TRIM37: variants seen among roughly 807,000 people sequenced by gnomAD.
TRIM37 encodes the protein E3 ubiquitin-protein ligase TRIM37.
In TRIM37, 80 loss-of-function variants were observed where a neutral mutation model predicts 129.8. The ratio of observed to expected loss-of-function variants is 0.62; its 90% CI spans 0.51 to 0.74. TRIM37 has a LOEUF of 0.74. TRIM37 is among the 30% of genes least tolerant of loss of function. The pLI is 0.00. For synonymous variants in TRIM37, 389 were observed against 387.1 expected (o/e 1.00, Z -0.06); for missense variants, 1,054 against 1,176.5 (o/e 0.90, Z 1.52).
chr17:59,101,715 C>T (rs896712099), intron 2 of TRIM37, among the ~76,000 whole-genome samples: 1 of 139,386 alleles, frequency 7.2e-6, no homozygotes, highest in Non-Finnish European at 1.5e-5. Flanking sequence ...CACACACACA[C>T]ACACACATAT....
At chr17:59,090,087 GA>G (rs1256991505) in intron 3 of TRIM37, 1 of 152,040 alleles carries the variant, frequency 6.6e-6, no homozygotes, top group Non-Finnish European at 1.5e-5. Context: ...ACGACAGAGC[GA>G]GACTCTGTCT....
chr17:59,041,132 A>C (rs1251758466), intron 17 of TRIM37, among the ~76,000 whole-genome samples: 1 of 152,248 alleles, frequency 6.6e-6, no homozygotes. Flanking sequence ...CTAACTTTTA[A>C]TTACTCTAAC....
intron 22 of TRIM37, among the ~76,000 whole-genome samples, chr17:59,004,936 A>T (rs73993836): frequency 0.055 from 8,396 of 152,282 alleles, 751 homozygotes; most frequent in African/African-American, 0.19. Context: ...AAAAACAAAA[A>T]AACAAACTTT....
At chr17:58,989,731 T>C (rs556614498) in intron 24 of TRIM37, among the ~76,000 whole-genome samples, 1 of 152,056 alleles carries the variant, frequency 6.6e-6, no homozygotes, top group African/African-American at 2.4e-5. Flanking sequence ...GAACGTAATA[T>C]ACAAAAGCTG....
downstream of TRIM37, chr17:58,981,174 G>A (rs1430239389): frequency 3.1e-6 from 2 of 642,484 alleles, no homozygotes; most frequent in African/African-American, 3.7e-5. Context: ...TAGATCTCTA[G>A]GAAACTCAAA....
intron 15 of TRIM37, 93 bp downstream of exon 15, chr17:59,049,085 G>T: frequency 1.0e-6 from 1 of 973,962 alleles, no homozygotes; most frequent in Non-Finnish European, 1.6e-6. Flanking sequence ...AATATTTTTA[G>T]CCTACTGTTT....
At chr17:59,075,285 C>T (rs1004411459) in intron 8 of TRIM37, among the ~76,000 whole-genome samples, 1 of 151,958 alleles carries the variant, frequency 6.6e-6, no homozygotes, top group African/African-American at 2.4e-5. Flanking sequence ...CAGAGAAGGC[C>T]GGGCACGGTG....
At chr17:59,080,834 C>CA (rs1361910132) in intron 6 of TRIM37, among the ~76,000 whole-genome samples, 3 of 152,086 alleles carry the variant, frequency 2.0e-5, no homozygotes, top group South Asian at 2.1e-4. Flanking sequence ...CTGTAACAAA[C>CA]AGACTTTTTA....
At chr17:59,087,165 G>A (rs999671471) in intron 4 of TRIM37, among the ~76,000 whole-genome samples, 16 of 152,140 alleles carry the variant, frequency 1.1e-4, no homozygotes, top group Middle Eastern at 3.4e-3. Context: ...GCACGATCTC[G>A]GCTCACTGCA....
At chr17:59,027,861 T>A (rs925696036) in intron 19 of TRIM37, among the ~76,000 whole-genome samples, 1 of 152,156 alleles carries the variant, frequency 6.6e-6, no homozygotes, top group South Asian at 2.1e-4. Context: ...GCCATACTGG[T>A]CTTCCTTCAA....
rs535011274 is a variant in TRIM37, at chr17:58,992,176, G to T, written c.2891+7205C>A. Among the ~76,000 whole-genome samples the T allele has an allele frequency of 6.6e-5, 10 of 150,456 alleles. No homozygotes were observed. In the East Asian group the frequency reaches 1.7e-3, roughly 26 times the overall value. Reference sequence around the variant, plus strand: ...GCCAGCTAAAGGGAGAGATACATAGGGTGAGGCCTGGGAGAGGCCCAAATG... The same window carrying T: ...GCCAGCTAAAGGGAGAGATACATAGTGTGAGGCCTGGGAGAGGCCCAAATG... On this transcript the variant is annotated intron_variant, in intron 24 of 24. Transcript: ENST00000393066.
At chr17:59,013,237 G>T (rs1313711406) in intron 21 of TRIM37, among the ~76,000 whole-genome samples, 1 of 152,092 alleles carries the variant, frequency 6.6e-6, no homozygotes, top group Non-Finnish European at 1.5e-5. Context: ...GCTGCCTCCT[G>T]GGCTCAAGCG....
rs1052965239 is a variant in TRIM37, at chr17:59,061,974, A to G, written c.942+593T>C. Among the ~76,000 whole-genome samples, 22 of 152,250 alleles carry G rather than the reference A, an allele frequency of 1.4e-4. 1 individual carries two copies. The highest frequency in any genetic ancestry group is 3.4e-3 in the Middle Eastern group (1 of 294). ...AATGACTCATCAGCTAGGTGAATAA[A>G]GCCAGACATAAAAGATGATATATTA... On this transcript the variant is annotated intron_variant, in intron 11 of 23. Transcript: ENST00000262294.
chr17:59,031,962 G>A lies in TRIM37; in HGVS notation c.1882C>T (p.Arg628Trp), dbSNP rs377473747. ...CCCCACAAATTTTCTATACTGCTCC[G>A]GTCCTTAAGGTCCAACAAATGTATT... ...ILIHLLDLKD[R>W]SSIENLWGLQ... Residue 628 changes from arginine (R) to tryptophan (W), a missense_variant, in exon 18 of 24, where the codon CGG becomes TGG. By Grantham distance (101) the Arg-to-Trp change is moderately radical. Around this residue, in one of 3 missense-constraint regions of TRIM37, gnomAD observed 752 missense variants for 870.8 expected, o/e 0.86. Transcript: ENST00000262294. 1.2e-5 allele frequency: 20 copies of A among 1,613,984 alleles called. No individual in the cohort carries two copies. The highest frequency in any genetic ancestry group is 2.7e-5 in the African/African-American group (2 of 74,908).
At chr17:58,983,863 G>C (rs1818663647) in intron 24 of TRIM37, 1 of 152,506 alleles carries the variant, frequency 6.6e-6, no homozygotes, top group Non-Finnish European at 1.5e-5. Flanking sequence ...TATTGGTTAG[G>C]GAAACAAACT....
chr17:59,004,556 C>G (rs893780774), intron 22 of TRIM37, among the ~76,000 whole-genome samples: 1 of 151,984 alleles, frequency 6.6e-6, no homozygotes, highest in African/African-American at 2.4e-5. Context: ...GGTAGATTCA[C>G]TAACAAAAAG....
At chr17:59,044,111 T>C (rs559134309) in intron 16 of TRIM37, among the ~76,000 whole-genome samples, 16 of 152,026 alleles carry the variant, frequency 1.1e-4, no homozygotes, top group Non-Finnish European at 2.2e-4. Context: ...GCCTAGAACA[T>C]AGTAAGGCAA....
At chr17:59,086,586 C>T (rs946914952) in intron 4 of TRIM37, among the ~76,000 whole-genome samples, 3 of 151,980 alleles carry the variant, frequency 2.0e-5, no homozygotes, top group African/African-American at 7.3e-5. Flanking sequence ...GGACACTGAG[C>T]TTAGAGAAAA....
chr17:59,063,232 C>T (rs1307175908), intron 10 of TRIM37, among the ~76,000 whole-genome samples: 2 of 151,172 alleles, frequency 1.3e-5, no homozygotes, highest in African/African-American at 2.4e-5. Context: ...CAGGCTGGAG[C>T]GCAGTGGCAC....
Sources: gnomAD v4.1 joint callset for allele counts (sites outside exome capture counted in the v4.1 genomes callset) on GRCh38, gnomAD v4.1.1 for gene constraint, gnomAD v4.1.1 regional missense constraint, MANE v1.5 for transcripts, NCBI Gene and HGNC (gene_info 2026-07-23, HGNC 2026-07-21) for gene names.